The following IQCK variants were observed in gnomAD, a reference collection of about 807,000 sequenced individuals.
The protein encoded by IQCK is IQ motif containing K.
In IQCK, 29 loss-of-function variants were observed where a neutral mutation model predicts 28.1. The observed-to-expected ratio is 1.03, with a 90% CI of 0.77 to 1.41. The LOEUF (loss-of-function observed/expected upper bound fraction) is 1.41. IQCK is among the 40% of genes most tolerant of loss of function. The pLI is 0.00. For synonymous variants in IQCK, 113 were observed against 115.1 expected (o/e 0.98, Z 0.12); for missense variants, 359 against 314.7 (o/e 1.14, Z -1.07).
chr16:19,756,742 A>G (rs534365625), intron 4 of IQCK, among the ~76,000 whole-genome samples: 13 of 152,110 alleles, frequency 8.5e-5, no homozygotes, highest in African/African-American at 2.9e-4. Context: ...CTAAAACTAC[A>G]AAAAATTAGC....
At chr16:19,842,574 G>A (rs1158963729) in intron 9 of IQCK, among the ~76,000 whole-genome samples, 10 of 152,078 alleles carry the variant, frequency 6.6e-5, no homozygotes, top group Non-Finnish European at 1.0e-4. Context: ...AAATAAATCC[G>A]TATGTGAAAT....
chr16:19,842,848 C>T (rs2141113774), intron 9 of IQCK, among the ~76,000 whole-genome samples: 1 of 152,266 alleles, frequency 6.6e-6, no homozygotes, highest in South Asian at 2.1e-4. Flanking sequence ...GATGTAAATA[C>T]ATTCAGGAGG....
exon 10 of IQCK, chr16:19,857,643 T>C: frequency 3.5e-6 from 1 of 283,850 alleles, no homozygotes; most frequent in Non-Finnish European, 6.7e-6. Context: ...CAATGCTCCC[T>C]TTCAACTTGG....
chr16:19,775,866 C>CTTTTTTTTT lies in IQCK; in HGVS notation c.605+11779_605+11787dup, dbSNP rs570530152. Among the ~76,000 whole-genome samples, 17 of 37,724 alleles carry CTTTTTTTTT rather than the reference C, an allele frequency of 4.5e-4. 1 individual carries two copies. The highest frequency in any genetic ancestry group is 5.6e-4 in the Admixed American group (1 of 1,774). The allele number at this position is 37,724 out of a possible 152,430, so 24.7% of individuals were successfully genotyped here. A position where few individuals can be genotyped will look rare whatever the true frequency, so the allele number is the denominator to read the frequency against. ...CTAGCTGTTCTGTTCTGGGCACAGG[C>CTTTTTTTTT]TTTTTTTTTTTTTTTTTTTTTTTTT... On this transcript the variant is annotated intron_variant, in intron 6 of 7. Transcript: ENST00000564186.
At chr16:19,827,240 G>A (rs1037602691), downstream of IQCK, 6 of 758,594 alleles carry the variant, frequency 7.9e-6, no homozygotes, top group East Asian at 2.6e-5. Context: ...GTCCTTGTCT[G>A]CATGGAACTC....
In IQCK at chr16:19,751,659, C is replaced by T. The variant is rs143033556; in HGVS notation, c.475-12189C>T. ...TCAGGACAGGTGTGTCATCAAGCCT[C>T]TGCCAGTAGCTTCCTTTAACAAAGA... is the stretch of plus-strand genomic sequence containing the variant. On this transcript the variant is annotated intron_variant, in intron 4 of 7. Transcript: ENST00000564186. Among the ~76,000 whole-genome samples the T allele has an allele frequency of 5.9e-5, 9 of 151,976 alleles. No homozygotes were observed. The East Asian group carries it at 1.7e-3, about 30-fold the overall frequency.
chr16:19,812,067 A>T (rs1243206989), intron 7 of IQCK, among the ~76,000 whole-genome samples: 1 of 147,700 alleles, frequency 6.8e-6, no homozygotes, highest in Admixed American at 7.0e-5. Context: ...GGCTCACTGC[A>T]GTCTCTGCCT....
chr16:19,854,058 C>G (rs2141128125), intron 9 of IQCK, among the ~76,000 whole-genome samples: 1 of 152,340 alleles, frequency 6.6e-6, no homozygotes, highest in South Asian at 2.1e-4. Context: ...GGATTCTAAG[C>G]CCCATCTGTG....
intron 4 of IQCK, among the ~76,000 whole-genome samples, chr16:19,749,056 A>G (rs2151697248): frequency 6.6e-6 from 1 of 152,334 alleles, no homozygotes; most frequent in African/African-American, 2.4e-5. Context: ...GGTTGTTTAG[A>G]GAACTGCATT....
At chr16:19,792,729 A>G (rs1260995881) in intron 7 of IQCK, among the ~76,000 whole-genome samples, 1 of 111,170 alleles carries the variant, frequency 9.0e-6, no homozygotes, top group Non-Finnish European at 1.6e-5. Context: ...CTGCCACCAC[A>G]CCCAGCTAAT....
downstream of IQCK, among the ~76,000 whole-genome samples, chr16:19,832,038 G>A (rs2056238651): frequency 6.6e-6 from 1 of 152,042 alleles, no homozygotes; most frequent in African/African-American, 2.4e-5. Context: ...AGATGCCCAA[G>A]TCATTTTTGA....
chr16:19,721,410 G>A (rs569254983), intron 1 of IQCK, among the ~76,000 whole-genome samples: 86 of 152,218 alleles, frequency 5.6e-4, no homozygotes, highest in African/African-American at 1.9e-3. Flanking sequence ...ATATTCTTCA[G>A]TTTTCTCCCT....
intron 6 of IQCK, among the ~76,000 whole-genome samples, chr16:19,772,393 A>C (rs2055331302): frequency 6.6e-6 from 1 of 152,198 alleles, no homozygotes; most frequent in African/African-American, 2.4e-5. Context: ...ATTCAAAAAA[A>C]CGGTATAAAA....
exon 2 of IQCK, chr16:19,730,494 G>T: frequency 6.2e-7 from 1 of 1,605,170 alleles, no homozygotes; most frequent in Non-Finnish European, 8.5e-7. Flanking sequence ...CTGTGATTAC[G>T]GTGAGTATTA....
At chr16:19,759,055 A>G (rs771020794) in intron 4 of IQCK, among the ~76,000 whole-genome samples, 1 of 152,226 alleles carries the variant, frequency 6.6e-6, no homozygotes, top group Non-Finnish European at 1.5e-5. Context: ...GTCTACAATT[A>G]TATTAGCAAT....
intron 3 of IQCK, among the ~76,000 whole-genome samples, chr16:19,734,616 G>A (rs939527874): frequency 5.9e-4 from 88 of 149,700 alleles, no homozygotes; most frequent in African/African-American, 2.1e-3. Flanking sequence ...GTGACAGAGC[G>A]AGAAAAAAAA....
At chr16:19,815,591 A>G (rs535347618) in intron 7 of IQCK, among the ~76,000 whole-genome samples, 17 of 152,290 alleles carry the variant, frequency 1.1e-4, no homozygotes, top group African/African-American at 3.4e-4. Context: ...GGATCCCTTG[A>G]GCCCGGGAGT....
At chr16:19,816,063 C>T (rs777577940) in intron 7 of IQCK, among the ~76,000 whole-genome samples, 18 of 152,142 alleles carry the variant, frequency 1.2e-4, no homozygotes, top group Non-Finnish European at 2.4e-4. Context: ...CAGCTTCTTT[C>T]CAGCAACTGT....
intron 4 of IQCK, among the ~76,000 whole-genome samples, chr16:19,738,126 T>G (rs950231904): frequency 6.6e-6 from 1 of 152,260 alleles, no homozygotes; most frequent in African/African-American, 2.4e-5. Context: ...ATTCTCTGAT[T>G]TATTTTTATA....
Sources: gnomAD v4.1 joint callset for allele counts (sites outside exome capture counted in the v4.1 genomes callset) on GRCh38, gnomAD v4.1.1 for gene constraint, MANE v1.5 for transcripts, NCBI Gene and HGNC (gene_info 2026-07-23, HGNC 2026-07-21) for gene names.